GPAT3: variants seen among roughly 807,000 people sequenced by gnomAD.
GPAT3 encodes 1-AGP acyltransferase 9.
A neutral mutation model predicts 58.8 loss-of-function variants in GPAT3; 53 were observed. That is an observed-to-expected ratio of 0.90 (90% CI 0.72 to 1.13). GPAT3 has a LOEUF of 1.13. Among genes scored for constraint, GPAT3 ranks in the 50% most tolerant of loss-of-function variants. The pLI, the probability that GPAT3 is intolerant of heterozygous loss-of-function variation, is 0.00. For synonymous variants in GPAT3, 197 were observed against 187.4 expected, an observed-to-expected ratio of 1.05 and a Z score of -0.42; for missense variants, 511 against 527.6, an observed-to-expected ratio of 0.97 and a Z score of 0.31.
intron 2 of GPAT3, among the ~76,000 whole-genome samples, chr4:83,556,189 A>C (rs149210830): frequency 3.0e-4 from 45 of 152,314 alleles, no homozygotes; most frequent in African/African-American, 1.0e-3. Context: ...TTTCTTGTTT[A>C]ATCAAGTTAG....
intron 2 of GPAT3, among the ~76,000 whole-genome samples, chr4:83,574,254 C>T (rs964454998): frequency 1.3e-5 from 2 of 152,200 alleles, no homozygotes; most frequent in African/African-American, 4.8e-5. Context: ...CCCTGATTTT[C>T]TTAACTGCTT....
At chr4:83,586,132 T>C (rs1726367685) in intron 3 of GPAT3, among the ~76,000 whole-genome samples, 1 of 152,198 alleles carries the variant, frequency 6.6e-6, no homozygotes, top group South Asian at 2.1e-4. Flanking sequence ...GTGTTAAATA[T>C]AAAAGGTACT....
chr4:83,536,579 T>A lies in GPAT3; in HGVS notation c.-44T>A. 2 of 1,593,998 alleles carry A rather than the reference T, an allele frequency of 1.3e-6. No homozygotes were observed. The highest frequency in any genetic ancestry group is 2.7e-5 in the African/African-American group (2 of 74,676). On this transcript the variant is annotated 5_prime_UTR_variant, in exon 1 of 12. Coordinates refer to ENST00000264409, the MANE Select transcript of GPAT3 (RefSeq NM_032717.5). ...CTGGGGACAGGGACTGCTGTGGCGCTCGGCCCTCCACTGCGGACCTCTCCT... is the reference window on the plus strand; with the variant it reads ...CTGGGGACAGGGACTGCTGTGGCGCACGGCCCTCCACTGCGGACCTCTCCT...
At chr4:83,595,155 A>G (rs983404597) in intron 7 of GPAT3, 195 bp downstream of exon 7, 1 of 470,972 alleles carries the variant, frequency 2.1e-6, no homozygotes. Context: ...ATGGTAGGAT[A>G]TATGATGGGA....
chr4:83,539,688 G>C lies in GPAT3; in HGVS notation c.141+2925G>C, dbSNP rs138834591. On this transcript the variant is annotated intron_variant, in intron 1 of 11. Transcript: ENST00000264409. Reference sequence around the variant, plus strand: ...TTGCTGGGTATCTCTAGATGTATGCGTAAGTCACTGATATGGCAAGATACT... The same window carrying C: ...TTGCTGGGTATCTCTAGATGTATGCCTAAGTCACTGATATGGCAAGATACT... Among the ~76,000 whole-genome samples the C allele has an allele frequency of 1.5e-3, 227 of 152,236 alleles. 1 individual carries two copies. The highest frequency in any genetic ancestry group is 5.0e-3 in the African/African-American group (209 of 41,538).
chr4:83,597,609 G>C lies in GPAT3; in HGVS notation c.996+94G>C. 6.7e-6 allele frequency: 6 copies of C among 896,546 alleles called. No homozygotes were observed. In the South Asian group the frequency reaches 1.3e-4, roughly 20 times the overall value. The allele number at this position is 896,546 out of a possible 1,614,324, so 55.5% of individuals were successfully genotyped here. The stretch of plus-strand genomic sequence containing the variant: ...AGCATTTCAAACTTAAAATTTGCAA[G>C]AACGAGGAACACCAGTTTTCGGATG... On this transcript the variant is annotated intron_variant, in intron 9 of 11. Coordinates refer to ENST00000264409, the MANE Select transcript of GPAT3 (RefSeq NM_032717.5).
intron 2 of GPAT3, among the ~76,000 whole-genome samples, chr4:83,567,229 T>C (rs10012782): frequency 0.22 from 34,172 of 152,076 alleles, 3,987 homozygotes; most frequent in East Asian, 0.31. Context: ...AGTTGGCATT[T>C]CTATGTGGAT....
At chr4:83,603,310 G>T (rs1000551460) in intron 11 of GPAT3, among the ~76,000 whole-genome samples, 22 of 152,182 alleles carry the variant, frequency 1.4e-4, no homozygotes, top group African/African-American at 4.3e-4. Context: ...GGAAAAGCAT[G>T]CAGAGTTCTT....
chr4:83,588,063 TGACTATAA>T (rs1472461622), intron 4 of GPAT3, 139 bp from the exon 5 acceptor site: 3 of 608,338 alleles, frequency 4.9e-6, no homozygotes, highest in African/African-American at 1.9e-5. Flanking sequence ...CTATAACAAT[TGACTATAA>T]GACTATAAGA....
At position 83,570,508 on chromosome 4, in the gene GPAT3, A is replaced by G. The variant is rs534569599; in HGVS notation, c.209-11054A>G. On this transcript the variant is annotated intron_variant, in intron 2 of 11. Coordinates refer to ENST00000264409, the MANE Select transcript of GPAT3 (RefSeq NM_032717.5). ...TTTTTTTTGAGACGGAGTCTTGCTC[A>G]GTCACTCAGGCTGGAGTGCAGCGGC... Among the ~76,000 whole-genome samples, 2 of 139,000 alleles carry G rather than the reference A, an allele frequency of 1.4e-5. 1 individual carries two copies. Among genetic ancestry groups the G allele is most frequent in the South Asian group, 4.4e-4 (2 of 4,542 alleles). 91.2% of individuals were successfully genotyped at this position (139,000 alleles called of 152,430 possible). A position where few individuals can be genotyped will look rare whatever the true frequency, so the allele number is the denominator to read the frequency against.
chr4:83,564,293 T>G (rs1290035454), intron 2 of GPAT3, among the ~76,000 whole-genome samples: 2 of 152,180 alleles, frequency 1.3e-5, no homozygotes. Flanking sequence ...TTGAACATGT[T>G]TTCATGTTTA....
rs545154107 is a variant in GPAT3 at position 83,566,099 on chromosome 4, A to G, written c.209-15463A>G. Reference sequence around the variant, plus strand: ...TATGCTCTCAGGGCATAAAGACATGAAGGCAATAAGGAGACTTTTCTCCTC... The same window carrying G: ...TATGCTCTCAGGGCATAAAGACATGGAGGCAATAAGGAGACTTTTCTCCTC... On this transcript the variant is annotated intron_variant, in intron 2 of 11. Coordinates refer to ENST00000264409, the MANE Select transcript of GPAT3 (RefSeq NM_032717.5). Among the ~76,000 whole-genome samples the G allele has an allele frequency of 1.1e-4, 17 of 152,284 alleles. No individual in the cohort carries two copies. The South Asian group carries it at 3.3e-3, about 30-fold the overall frequency.
intron 7 of GPAT3, 77 bp from the exon 8 acceptor site, chr4:83,596,781 A>G: frequency 9.2e-7 from 1 of 1,090,264 alleles, no homozygotes; most frequent in Non-Finnish European, 1.4e-6. Flanking sequence ...TGTGCCAGTA[A>G]AGTGCAAGGA....
chr4:83,579,065 T>TCC (rs1427585301), intron 2 of GPAT3, among the ~76,000 whole-genome samples: 3 of 42,940 alleles, frequency 7.0e-5, no homozygotes, highest in African/African-American at 1.0e-4. Flanking sequence ...TTTCTTTCTT[T>TCC]CTTTCTTTCT....
chr4:83,547,080 C>T (rs1389531611), intron 2 of GPAT3, among the ~76,000 whole-genome samples: 3 of 151,860 alleles, frequency 2.0e-5, no homozygotes, highest in Non-Finnish European at 4.4e-5. Flanking sequence ...AGCACCATGT[C>T]TCTGTACCAA....
upstream of GPAT3, chr4:83,536,038 C>T (rs1174723289): frequency 1.0e-6 from 1 of 985,404 alleles, no homozygotes; most frequent in Non-Finnish European, 1.2e-6. Flanking sequence ...GGAGCTCCCC[C>T]GTTGGGTGAC....
At chr4:83,593,199 G>A (rs1162683161) in intron 6 of GPAT3, among the ~76,000 whole-genome samples, 3 of 92,948 alleles carry the variant, frequency 3.2e-5, no homozygotes, top group Non-Finnish European at 6.9e-5. Context: ...TAGTCCTCCT[G>A]TGTTGTCCAG....
chr4:83,566,568 G>A (rs1438677890), intron 2 of GPAT3, among the ~76,000 whole-genome samples: 1 of 151,156 alleles, frequency 6.6e-6, no homozygotes, highest in Non-Finnish European at 1.5e-5. Context: ...CACTACGCCC[G>A]GCCTCCTATT....
rs1304327746 is a variant in GPAT3, at chr4:83,587,241, C to T, written c.480-14C>T. ...GTGTCAAAATCTTATATGGCCCTCT[C>T]TTTTCTTTTTCAGGGTTACCTTGGC... On this transcript the variant is annotated splice_polypyrimidine_tract_variant and intron_variant, in intron 3 of 11. Coordinates refer to ENST00000264409, the MANE Select transcript of GPAT3 (RefSeq NM_032717.5). 6.2e-7 allele frequency: 1 copy of T among 1,610,938 alleles called. No homozygotes were observed. The highest frequency in any genetic ancestry group is 1.3e-5 in the African/African-American group (1 of 74,632).
Sources: allele counts gnomAD v4.1 joint callset (sites outside exome capture counted in the v4.1 genomes callset), GRCh38; gene constraint gnomAD v4.1.1; transcripts MANE v1.5; gene names NCBI Gene and HGNC (gene_info 2026-07-23, HGNC 2026-07-21).